Variants in CFAP77 observed in about 807,000 individuals in gnomAD.
CFAP77 encodes cilia- and flagella-associated protein 77.
CFAP77 carries 25 observed loss-of-function variants against 31.1 expected under a neutral mutation model. The ratio of observed to expected loss-of-function variants is 0.80; its 90% CI spans 0.59 to 1.12. The LOEUF is 1.12. CFAP77 is among the 50% of genes most tolerant of loss of function. The pLI, the probability that CFAP77 is intolerant of heterozygous loss-of-function variation, is 0.00. For synonymous variants in CFAP77, 151 were observed against 159.9 expected (o/e 0.94, Z 0.42); for missense variants, 377 against 397.3 (o/e 0.95, Z 0.44).
chr9:132,505,825 G>A (rs924558578), intron 3 of CFAP77, among the ~76,000 whole-genome samples: 1 of 152,094 alleles, frequency 6.6e-6, no homozygotes, highest in African/African-American at 2.4e-5. Context: ...GCCTAGTCCA[G>A]GTAGGCACGG....
rs1564241757 is a variant in CFAP77 at position 132,529,520 on chromosome 9, C to CAAAAACAAAA, written c.525-8076_525-8075insCAAAAAAAAA. Among the ~76,000 whole-genome samples the CAAAAACAAAA allele has an allele frequency of 5.3e-4, 65 of 123,434 alleles. 4 individuals are homozygous for CAAAAACAAAA. Among genetic ancestry groups the CAAAAACAAAA allele is most frequent in the African/African-American group, 1.8e-3 (63 of 34,624 alleles). 81.0% of individuals were successfully genotyped at this position (123,434 alleles called of 152,430 possible). ...CTTAGAGTATAATAAAAAAAAAAAACAAAAAAAAAACTAAACACATACTTG... is the reference window on the plus strand; with the variant it reads ...CTTAGAGTATAATAAAAAAAAAAAACAAAAACAAAAAAAAAAAAAACTAAACACATACTTG... On this transcript the variant is annotated intron_variant, in intron 3 of 5. Transcript: ENST00000393216.
At chr9:132,521,650 T>C (rs114596337) in intron 3 of CFAP77, among the ~76,000 whole-genome samples, 1 of 151,640 alleles carries the variant, frequency 6.6e-6, no homozygotes, top group Non-Finnish European at 1.5e-5. Context: ...GGGAGGACTC[T>C]GCATTTGGGA....
chr9:132,510,015 C>T (rs1458861422), intron 3 of CFAP77, among the ~76,000 whole-genome samples: 11 of 152,184 alleles, frequency 7.2e-5, no homozygotes, highest in African/African-American at 2.2e-4. Context: ...GTTTCCCTTT[C>T]GGCTCTCCTG....
intron 1 of CFAP77, among the ~76,000 whole-genome samples, chr9:132,432,240 G>C (rs905123051): frequency 3.9e-5 from 6 of 152,156 alleles, no homozygotes; most frequent in African/African-American, 1.4e-4. Flanking sequence ...GCCTGGATCT[G>C]GGGGAGGGCA....
intron 1 of CFAP77, among the ~76,000 whole-genome samples, chr9:132,419,590 A>C (rs1372162863): frequency 2.0e-5 from 3 of 152,246 alleles, no homozygotes; most frequent in Non-Finnish European, 4.4e-5. Flanking sequence ...GTGTCACCAC[A>C]TTAAAATGCC....
chr9:132,510,128 C>A (rs1487696956), intron 3 of CFAP77, among the ~76,000 whole-genome samples: 1 of 152,162 alleles, frequency 6.6e-6, no homozygotes, highest in East Asian at 1.9e-4. Context: ...GGCCGCCACT[C>A]CCCCAGGGCC....
chr9:132,524,420 C>G (rs953019460), intron 3 of CFAP77, among the ~76,000 whole-genome samples: 20 of 151,138 alleles, frequency 1.3e-4, no homozygotes, highest in African/African-American at 4.6e-4. Context: ...GCCAACATGG[C>G]GAAACCCTGT....
chr9:132,548,286 G>GGGGGGGGGGGGCCCCC (rs1564248910), intron 5 of CFAP77, among the ~76,000 whole-genome samples: 1 of 128,890 alleles, frequency 7.8e-6, no homozygotes, highest in Non-Finnish European at 1.6e-5. Context: ...GGGGGGTGGG[G>GGGGGGGGGGGGCCCCC]GGTGAAGCTG....
chr9:132,565,312 T>A lies in CFAP77; in HGVS notation c.733-7076T>A, dbSNP rs1402529995. Among the ~76,000 whole-genome samples the A allele has an allele frequency of 6.6e-6, 1 of 151,972 alleles. No homozygotes were observed. The highest frequency in any genetic ancestry group is 2.4e-5 in the African/African-American group (1 of 41,370). On this transcript the variant is annotated intron_variant, in intron 5 of 5. Transcript: ENST00000393216. The surrounding 1 kb of genome is among the most constrained non-coding windows in gnomAD (Gnocchi z 4.1). ...TCCTGAGCCCCAGATGGAGGTAGAT[T>A]TCCCCAGTCCACAATCTTATTAAAT...
chr9:132,519,555 AATGG>A (rs1205474915), intron 3 of CFAP77, among the ~76,000 whole-genome samples: 1 of 17,882 alleles, frequency 5.6e-5, no homozygotes, highest in Non-Finnish European at 1.1e-4. Flanking sequence ...TAGATGGATG[AATGG>A]ATGGATGGAT....
intron 4 of CFAP77, 52 bp downstream of exon 4, chr9:132,537,758 G>A (rs1266181130): frequency 7.0e-7 from 1 of 1,418,956 alleles, no homozygotes; most frequent in African/African-American, 1.4e-5. Flanking sequence ...GGAGAAGAGA[G>A]AAGGGCTGGC....
At chr9:132,473,523 G>A (rs1044521620) in intron 1 of CFAP77, among the ~76,000 whole-genome samples, 2 of 152,170 alleles carry the variant, frequency 1.3e-5, no homozygotes, top group Admixed American at 1.3e-4. Context: ...TTCCCTTCCA[G>A]ACTGTATACT....
Position 132,529,520 on chromosome 9 carries a change from CA to C in CFAP77, c.525-8071del, listed in dbSNP as rs376224942. ...CTTAGAGTATAATAAAAAAAAAAAA[CA>C]AAAAAAAAACTAAACACATACTTGG... On this transcript the variant is annotated intron_variant, in intron 3 of 5. Coordinates refer to ENST00000393216, the MANE Select transcript of CFAP77 (RefSeq NM_001282957.2). Among the ~76,000 whole-genome samples, 16 of 123,406 alleles carry C rather than the reference CA, an allele frequency of 1.3e-4. 3 individuals carry two copies. Among genetic ancestry groups the C allele is most frequent in the South Asian group, 2.8e-4 (1 of 3,526 alleles). 81.0% of individuals were successfully genotyped at this position (123,406 alleles called of 152,430 possible). A position where few individuals can be genotyped will look rare whatever the true frequency, so the allele number is the denominator to read the frequency against.
At chr9:132,458,357 G>GGTTGGGGT (rs1850966233) in intron 1 of CFAP77, among the ~76,000 whole-genome samples, 1 of 119,042 alleles carries the variant, frequency 8.4e-6, no homozygotes, top group Admixed American at 9.8e-5. Flanking sequence ...GAGGGGGGGG[G>GGTTGGGGT]GTGTGTATGG....
chr9:132,448,168 C>T (rs1157162126), intron 1 of CFAP77, among the ~76,000 whole-genome samples: 11 of 149,392 alleles, frequency 7.4e-5, no homozygotes, highest in African/African-American at 1.8e-4. Context: ...GATACACACA[C>T]GCACACATGC....
chr9:132,451,433 C>G (rs890028423), intron 1 of CFAP77, among the ~76,000 whole-genome samples: 1 of 151,928 alleles, frequency 6.6e-6, no homozygotes, highest in Non-Finnish European at 1.5e-5. Context: ...TTTTAACACT[C>G]AAGTGAGGGC....
chr9:132,557,101 G>T (rs1192775866), intron 5 of CFAP77, among the ~76,000 whole-genome samples: 1 of 152,178 alleles, frequency 6.6e-6, no homozygotes, highest in African/African-American at 2.4e-5. Flanking sequence ...AAGCGATGGC[G>T]CGGCGGTTAT....
chr9:132,482,375 T>C (rs142955797), intron 1 of CFAP77: 2 of 1,613,952 alleles, frequency 1.2e-6, no homozygotes, highest in African/African-American at 2.7e-5. Flanking sequence ...TGCAGAAAGT[T>C]ATTCCTTCCC....
intron 5 of CFAP77, among the ~76,000 whole-genome samples, chr9:132,544,490 A>ATTT (rs57022259): frequency 1.3e-4 from 14 of 111,870 alleles, no homozygotes; most frequent in African/African-American, 3.9e-4. Context: ...CTCACTGCCT[A>ATTT]TTTTTTTTTT....
Sources: allele counts gnomAD v4.1 joint callset (sites outside exome capture counted in the v4.1 genomes callset), GRCh38; gene constraint gnomAD v4.1.1; non-coding constraint Gnocchi (gnomAD v3.1); transcripts MANE v1.5; gene names NCBI Gene and HGNC (gene_info 2026-07-23, HGNC 2026-07-21).